GOSR1: variants seen among roughly 807,000 people sequenced by gnomAD.
GOSR1 encodes 28 kDa Golgi SNARE protein.
Under a neutral mutation model 35.5 loss-of-function variants are expected in GOSR1, and 21 were observed. The observed-to-expected ratio is 0.59, with a 90% confidence interval of 0.42 to 0.85. GOSR1 has a LOEUF of 0.85. Among genes scored for constraint, GOSR1 ranks in the 40% least tolerant of loss-of-function variants. The pLI, the probability that GOSR1 is intolerant of heterozygous loss-of-function variation, is 0.00. For missense variants in GOSR1, 285 were observed against 309.6 expected (o/e 0.92, Z 0.60); for synonymous variants, 94 against 106.6 (o/e 0.88, Z 0.73).
At chr17:30,498,514 G>T (rs1327144984) in intron 6 of GOSR1, among the ~76,000 whole-genome samples, 1 of 152,208 alleles carries the variant, frequency 6.6e-6, no homozygotes, top group East Asian at 1.9e-4. Context: ...TGAAGCTTCT[G>T]AAAGGGCTTT....
intron 5 of GOSR1, 146 bp from the exon 6 acceptor site, chr17:30,492,533 G>A (rs1915111571): frequency 3.7e-6 from 2 of 540,890 alleles, no homozygotes; most frequent in African/African-American, 3.8e-5. Flanking sequence ...ATTTTTCAGA[G>A]GGAAATGCAA....
intron 6 of GOSR1, among the ~76,000 whole-genome samples, chr17:30,504,144 G>A (rs1318396725): frequency 3.3e-5 from 5 of 151,020 alleles, no homozygotes; most frequent in East Asian, 3.9e-4. Context: ...CTCCTGCCTC[G>A]GCCTCCCGAG....
At chr17:30,482,509 AC>A (rs1396531217) in intron 2 of GOSR1, among the ~76,000 whole-genome samples, 1 of 152,182 alleles carries the variant, frequency 6.6e-6, no homozygotes, top group African/African-American at 2.4e-5. Context: ...GTTAATCCAC[AC>A]TTATTTTACA....
At chr17:30,484,848 G>A in intron 4 of GOSR1, 78 bp downstream of exon 4, 1 of 772,476 alleles carries the variant, frequency 1.3e-6, no homozygotes, top group Non-Finnish European at 2.4e-6. Flanking sequence ...CATTGGATAT[G>A]TGCACATATA....
chr17:30,520,200 C>A, intron 8 of GOSR1, 179 bp downstream of exon 8: 1 of 480,654 alleles, frequency 2.1e-6, no homozygotes, highest in Non-Finnish European at 3.7e-6. Context: ...TAGTACCATT[C>A]CTAAAAGACT....
intron 7 of GOSR1, chr17:30,519,692 T>G (rs568669881): frequency 2.9e-6 from 1 of 342,072 alleles, no homozygotes; most frequent in East Asian, 4.7e-5. Context: ...ATTTTGTTTG[T>G]TATTTTGAAG....
chr17:30,506,853 C>T (rs1462093234), intron 6 of GOSR1, among the ~76,000 whole-genome samples: 2 of 152,172 alleles, frequency 1.3e-5, no homozygotes, highest in Admixed American at 1.3e-4. Flanking sequence ...ATTTACCATT[C>T]CAGAAATTCT....
In GOSR1 at chr17:30,495,948, G is replaced by A. The variant is rs58650915; in HGVS notation, c.509+3195G>A. On this transcript the variant is annotated intron_variant, in intron 6 of 8. Transcript: ENST00000451249. ...TTGCCTGATGCCTTTTGCTTGCCTA[G>A]CCCTGTTTAGTTCTCATTCTCTTCA... 3.9e-3 allele frequency among the ~76,000 whole-genome samples: 589 copies of A among 152,222 alleles called. 31 individuals are homozygous for A. The East Asian group carries it at 0.077, about 20-fold the overall frequency.
At chr17:30,491,667 A>T (rs1015669637) in intron 5 of GOSR1, among the ~76,000 whole-genome samples, 3 of 152,184 alleles carry the variant, frequency 2.0e-5, no homozygotes, top group Non-Finnish European at 4.4e-5. Flanking sequence ...TAAAAAAAAA[A>T]AGAAAGGAAA....
At chr17:30,519,522 T>C (rs752533518) in intron 7 of GOSR1, among the ~76,000 whole-genome samples, 1 of 152,160 alleles carries the variant, frequency 6.6e-6, no homozygotes, top group South Asian at 2.1e-4. Flanking sequence ...TTTATATTTC[T>C]TTTCTATTTT....
chr17:30,501,768 A>G (rs1475987588), intron 6 of GOSR1, among the ~76,000 whole-genome samples: 2 of 152,256 alleles, frequency 1.3e-5, no homozygotes, highest in Admixed American at 6.5e-5. Context: ...TTCTGGGATT[A>G]TAGGCATGAG....
chr17:30,485,026 A>G (rs1235062933), intron 4 of GOSR1: 10 of 474,448 alleles, frequency 2.1e-5, no homozygotes, highest in Admixed American at 6.6e-5. Flanking sequence ...TACTTCCACT[A>G]TGGGAGACCT....
In GOSR1 at chr17:30,521,167, CTTTTTTTTTTTTTT is replaced by C. The variant is rs71360748; in HGVS notation, c.623-1071_623-1058del. On this transcript the variant is annotated intron_variant, in intron 8 of 8. Transcript: ENST00000451249. The stretch of plus-strand genomic sequence containing the variant: ...CATCTCTCCCATAAGTTCTCTCTCT[CTTTTTTTTTTTTTT>C]TTTTTTTTTTTTTTTAAGACAGAGT... 9.3e-5 allele frequency among the ~76,000 whole-genome samples: 6 copies of C among 64,206 alleles called. No homozygotes were observed. The Admixed American group carries it at 1.1e-3, about 11-fold the overall frequency. The allele number at this position is 64,206 out of a possible 152,430, so 42.1% of individuals were successfully genotyped here.
chr17:30,498,499 TC>T (rs1404641033), intron 6 of GOSR1, among the ~76,000 whole-genome samples: 4 of 152,222 alleles, frequency 2.6e-5, no homozygotes, highest in Admixed American at 6.5e-5. Context: ...GAGTCATTAC[TC>T]TGCTGAAGCT....
At chr17:30,498,877 G>C in intron 6 of GOSR1, among the ~76,000 whole-genome samples, 1 of 152,216 alleles carries the variant, frequency 6.6e-6, no homozygotes, top group East Asian at 1.9e-4. Flanking sequence ...TTTACTTACA[G>C]TAAAAATGTA....
chr17:30,481,932 C>T (rs1055168971), intron 2 of GOSR1, among the ~76,000 whole-genome samples: 4 of 151,850 alleles, frequency 2.6e-5, no homozygotes, highest in Non-Finnish European at 5.9e-5. Flanking sequence ...GAGTTCAAGA[C>T]TAGCCTGGGC....
chr17:30,490,083 C>A, intron 4 of GOSR1, 43 bp from the exon 5 acceptor site: 1 of 890,244 alleles, frequency 1.1e-6, no homozygotes, highest in Non-Finnish European at 1.9e-6. Flanking sequence ...AGATGAAAAT[C>A]CATAATTAGC....
Position 30,525,749 on chromosome 17 carries a change from G to A in GOSR1, c.*3371G>A, listed in dbSNP as rs1009487545. The A allele has an allele frequency of 6.6e-6, 1 of 152,158 alleles. No individual in the cohort carries two copies. The highest frequency in any genetic ancestry group is 1.5e-5 in the Non-Finnish European group (1 of 68,034). The allele number at this position is 152,158 out of a possible 1,614,324, so 9.4% of individuals were successfully genotyped here. ...CTGCAGCCAAGCAAACCCTGTTGAT[G>A]GCTGATGGGCCTTTCCATTAGGGTT... On this transcript the variant is annotated 3_prime_UTR_variant, in exon 9 of 9. Transcript: ENST00000451249.
chr17:30,513,965 A>G (rs1211142788), intron 7 of GOSR1, among the ~76,000 whole-genome samples: 1 of 152,234 alleles, frequency 6.6e-6, no homozygotes, highest in East Asian at 1.9e-4. Flanking sequence ...TATATCATTC[A>G]AAGATTGATA....
Sources: allele counts gnomAD v4.1 joint callset (sites outside exome capture counted in the v4.1 genomes callset), GRCh38; gene constraint gnomAD v4.1.1; transcripts MANE v1.5; gene names NCBI Gene and HGNC (gene_info 2026-07-23, HGNC 2026-07-21).